CADM1: variants seen among roughly 807,000 people sequenced by gnomAD.
The protein encoded by CADM1 is TSLC-1.
Under a neutral mutation model 53.1 loss-of-function variants are expected in CADM1, and 15 were observed. The observed-to-expected ratio is 0.28, with a 90% CI of 0.19 to 0.44. The LOEUF is 0.44. CADM1 is among the 20% of genes least tolerant of loss of function. CADM1 has a pLI of 1.00. For synonymous variants in CADM1, 281 were observed against 243.0 expected, an observed-to-expected ratio of 1.16 and a Z score of -1.45; for missense variants, 434 against 611.3, an observed-to-expected ratio of 0.71 and a Z score of 3.06.
chr11:115,263,055 A>G (rs1239983997), intron 1 of CADM1, among the ~76,000 whole-genome samples: 1 of 152,216 alleles, frequency 6.6e-6, no homozygotes, highest in Non-Finnish European at 1.5e-5. Context: ...CTTTCTCATG[A>G]TAACACCGAG....
intron 1 of CADM1, among the ~76,000 whole-genome samples, chr11:115,314,223 G>A (rs1007957360): frequency 6.6e-6 from 1 of 152,176 alleles, no homozygotes; most frequent in African/African-American, 2.4e-5. Flanking sequence ...TTCACTCAAA[G>A]CTCATGGGGA....
intron 7 of CADM1, 128 bp downstream of exon 7, chr11:115,214,480 C>A: frequency 1.1e-6 from 1 of 898,714 alleles, no homozygotes; most frequent in Non-Finnish European, 1.8e-6. Context: ...GGCCAGGCTT[C>A]TTTAAGTTCT....
At chr11:115,457,843 T>C (rs1195016914) in intron 1 of CADM1, among the ~76,000 whole-genome samples, 4 of 152,050 alleles carry the variant, frequency 2.6e-5, no homozygotes, top group Non-Finnish European at 5.9e-5. Flanking sequence ...GGCTAATGAA[T>C]AAGTGCATTC....
At chr11:115,282,971 T>A (rs186299041) in intron 1 of CADM1, among the ~76,000 whole-genome samples, 1 of 152,158 alleles carries the variant, frequency 6.6e-6, no homozygotes, top group South Asian at 2.1e-4. Context: ...AATGGCCCCA[T>A]GAATCCATCT....
intron 9 of CADM1, among the ~76,000 whole-genome samples, chr11:115,197,212 C>T (rs1940200298): frequency 6.6e-6 from 1 of 152,176 alleles, no homozygotes; most frequent in East Asian, 1.9e-4. Flanking sequence ...ACAGCTCCTA[C>T]AGAGCTCAGA....
intron 1 of CADM1, among the ~76,000 whole-genome samples, chr11:115,383,325 T>C (rs976539517): frequency 2.6e-5 from 4 of 152,194 alleles, no homozygotes; most frequent in Non-Finnish European, 5.9e-5. Context: ...CGAAAGGAAA[T>C]ACATAAAACA....
At chr11:115,309,674 T>G (rs931287457) in intron 1 of CADM1, among the ~76,000 whole-genome samples, 1 of 152,104 alleles carries the variant, frequency 6.6e-6, no homozygotes, top group Non-Finnish European at 1.5e-5. Context: ...GTCAGACACA[T>G]GGACTAAAGG....
chr11:115,299,181 C>T (rs1413741129), intron 1 of CADM1, among the ~76,000 whole-genome samples: 1 of 152,180 alleles, frequency 6.6e-6, no homozygotes, highest in Non-Finnish European at 1.5e-5. Context: ...TATTGCAGTG[C>T]TAAATGGGCA....
At chr11:115,389,753 G>T (rs1465584385) in intron 1 of CADM1, among the ~76,000 whole-genome samples, 3 of 151,820 alleles carry the variant, frequency 2.0e-5, no homozygotes, top group Non-Finnish European at 4.4e-5. Context: ...CTAGGAGATG[G>T]TTCATGGATG....
chr11:115,303,115 G>C (rs1366970908), intron 1 of CADM1, among the ~76,000 whole-genome samples: 1 of 152,056 alleles, frequency 6.6e-6, no homozygotes, highest in Non-Finnish European at 1.5e-5. Flanking sequence ...AGGTTCAGAT[G>C]GGTGTGGTAC....
intron 1 of CADM1, among the ~76,000 whole-genome samples, chr11:115,437,641 C>T (rs1301595100): frequency 6.6e-6 from 1 of 152,170 alleles, no homozygotes; most frequent in Non-Finnish European, 1.5e-5. Context: ...CATCACAAAA[C>T]ATTTGACTCC....
intron 1 of CADM1, among the ~76,000 whole-genome samples, chr11:115,262,757 GT>G (rs1943014583): frequency 6.6e-6 from 1 of 151,126 alleles, no homozygotes; most frequent in Admixed American, 6.6e-5. Context: ...TCATTTTAGG[GT>G]TTCTTCACCT....
intron 1 of CADM1, among the ~76,000 whole-genome samples, chr11:115,487,909 ACATTGC>A (rs1472367028): frequency 2.6e-5 from 4 of 152,214 alleles, no homozygotes; most frequent in African/African-American, 9.6e-5. Context: ...TTTTTCTTGA[ACATTGC>A]CATCAAATCA....
chr11:115,322,434 T>C (rs1355819599), intron 1 of CADM1, among the ~76,000 whole-genome samples: 4 of 152,196 alleles, frequency 2.6e-5, no homozygotes, highest in African/African-American at 9.6e-5. Flanking sequence ...ATCACAGAAC[T>C]CACCTGTTTA....
At chr11:115,232,937 ATC>A (rs1371706222) in intron 3 of CADM1, among the ~76,000 whole-genome samples, 2 of 152,244 alleles carry the variant, frequency 1.3e-5, no homozygotes, top group African/African-American at 2.4e-5. Flanking sequence ...TGAATAATAA[ATC>A]TCTGATACTG....
At chr11:115,288,419 C>T (rs1168438062) in intron 1 of CADM1, among the ~76,000 whole-genome samples, 1 of 151,856 alleles carries the variant, frequency 6.6e-6, no homozygotes, top group South Asian at 2.1e-4. Flanking sequence ...TCAACAATCA[C>T]CTTCGGGATT....
At chr11:115,259,042 G>C (rs2135009332) in intron 1 of CADM1, among the ~76,000 whole-genome samples, 1 of 152,106 alleles carries the variant, frequency 6.6e-6, no homozygotes, top group African/African-American at 2.4e-5. Flanking sequence ...CTGGAGTACA[G>C]TGGTATGATC....
At chr11:115,440,628 A>C (rs1017627594) in intron 1 of CADM1, among the ~76,000 whole-genome samples, 1 of 152,198 alleles carries the variant, frequency 6.6e-6, no homozygotes, top group Non-Finnish European at 1.5e-5. Flanking sequence ...TTTGGAGGAA[A>C]CACCACTGAA....
intron 1 of CADM1, among the ~76,000 whole-genome samples, chr11:115,420,234 C>T (rs1385240027): frequency 2.0e-5 from 3 of 152,126 alleles, no homozygotes. Context: ...CAAGGAAAGA[C>T]GTGTCCACAC....
Sources: allele counts gnomAD v4.1 joint callset (sites outside exome capture counted in the v4.1 genomes callset), GRCh38; gene constraint gnomAD v4.1.1; transcripts MANE v1.5; gene names NCBI Gene and HGNC (gene_info 2026-07-23, HGNC 2026-07-21).